Variants in C1orf159 observed in about 807,000 individuals in gnomAD.
C1orf159 encodes chromosome 1 open reading frame 159, also known as uncharacterized protein C1orf159.
In C1orf159, 19 loss-of-function variants were observed where a neutral mutation model predicts 25.6. The observed-to-expected ratio is 0.74, with a 90% CI of 0.52 to 1.09. The LOEUF is 1.09. Among genes scored for constraint, C1orf159 ranks in the 50% least tolerant of loss-of-function variants. C1orf159 has a pLI of 0.00. For synonymous variants in C1orf159, 139 were observed against 124.7 expected (o/e 1.12, Z -0.77); for missense variants, 274 against 290.6 (o/e 0.94, Z 0.42).
intron 1 of C1orf159, among the ~76,000 whole-genome samples, chr1:1,108,847 G>GTTCACCACAGCCACCATGTCTCA (rs1557436485): frequency 6.4e-5 from 5 of 77,890 alleles, no homozygotes; most frequent in African/African-American, 2.7e-4. Flanking sequence ...ACCATGTCTC[G>GTTCACCACAGCCACCATGTCTCA]GCACCATCCA....
At chr1:1,100,485 G>A (rs937130063) in intron 1 of C1orf159, among the ~76,000 whole-genome samples, 12 of 152,050 alleles carry the variant, frequency 7.9e-5, no homozygotes, top group South Asian at 4.2e-4. Context: ...CTGACACACC[G>A]ACAGTGACAC....
chr1:1,112,124 G>A (rs1646266067), intron 1 of C1orf159, among the ~76,000 whole-genome samples: 1 of 152,202 alleles, frequency 6.6e-6, no homozygotes, highest in Non-Finnish European at 1.5e-5. Context: ...TCAGGTGATG[G>A]TCAGGTGGCT....
intron 1 of C1orf159, among the ~76,000 whole-genome samples, chr1:1,096,352 T>G (rs1278557326): frequency 6.6e-6 from 1 of 151,108 alleles, no homozygotes; most frequent in African/African-American, 2.5e-5. Context: ...ATTTTTTTTG[T>G]ACACAGGGTC....
intron 1 of C1orf159, among the ~76,000 whole-genome samples, chr1:1,107,605 C>T (rs1359086671): frequency 6.6e-6 from 1 of 152,182 alleles, no homozygotes; most frequent in Non-Finnish European, 1.5e-5. Context: ...AATCAGCACC[C>T]TGTCAAAACA....
chr1:1,084,201 GC>G, intron 9 of C1orf159, 151 bp downstream of exon 9: 2 of 1,522,790 alleles, frequency 1.3e-6, no homozygotes, highest in Non-Finnish European at 8.8e-7. Flanking sequence ...TCCGGCCCTG[GC>G]CCTGCCTTGT....
chr1:1,086,777 G>A (rs900607736), intron 6 of C1orf159, among the ~76,000 whole-genome samples: 1 of 151,794 alleles, frequency 6.6e-6, no homozygotes, highest in Non-Finnish European at 1.5e-5. Context: ...TGGTGTCAGC[G>A]TGAGCCGTGA....
chr1:1,084,605 G>A (rs938145438), intron 7 of C1orf159, 99 bp from the exon 8 acceptor site: 19 of 1,480,412 alleles, frequency 1.3e-5, no homozygotes, highest in Non-Finnish European at 1.6e-5. Context: ...AGCTGCCTCA[G>A]CCTCAGCCCA....
In C1orf159 at chr1:1,087,482, G is replaced by C. The variant is rs568818145; in HGVS notation, c.244+20C>G. On this transcript the variant is annotated intron_variant, in intron 5 of 9. Coordinates refer to ENST00000421241, the MANE Select transcript of C1orf159 (RefSeq NM_017891.5). The surrounding 1 kb of genome is among the most constrained non-coding windows in gnomAD (Gnocchi z 8.3). ...GCTGGAGCTGTGAGAAGGGAGCCGG[G>C]GGGAGCCGGGCAGACCTACAGCTTC... is the stretch of plus-strand genomic sequence containing the variant. The C allele has an allele frequency of 6.5e-7, 1 of 1,537,710 alleles. No homozygotes were observed. The highest frequency in any genetic ancestry group is 2.5e-5 in the East Asian group (1 of 40,668).
In C1orf159 at chr1:1,082,319, T is replaced by G. The variant is rs1645755338; in HGVS notation, c.*574A>C. On this transcript the variant is annotated 3_prime_UTR_variant, in exon 10 of 10. Coordinates refer to ENST00000421241, the MANE Select transcript of C1orf159 (RefSeq NM_017891.5). ...GCTCCGGAAATGGGTGGCTGCGTGC[T>G]TGGGGTCTCCGCCACGCGGGAGGAC... 6.4e-6 allele frequency: 1 copy of G among 156,354 alleles called. No homozygotes were observed. 9.7% of individuals were successfully genotyped at this position (156,354 alleles called of 1,614,324 possible). A position where few individuals can be genotyped will look rare whatever the true frequency, so the allele number is the denominator to read the frequency against.
rs761035365 is a variant in C1orf159, at chr1:1,082,721, G to A, written c.*172C>T. On this transcript the variant is annotated 3_prime_UTR_variant, in exon 10 of 10. Transcript: ENST00000421241. Reference sequence around the variant, plus strand: ...GCTGTGGTGGGGAGGAGCCTCAGGCGGCCCGGGACCCTTTGGCGTCCGTCG... The same window carrying A: ...GCTGTGGTGGGGAGGAGCCTCAGGCAGCCCGGGACCCTTTGGCGTCCGTCG... 65 of 617,372 alleles carry A rather than the reference G, an allele frequency of 1.1e-4. No homozygotes were observed. The highest frequency in any genetic ancestry group is 1.6e-4 in the Non-Finnish European group (54 of 345,370). 38.2% of individuals were successfully genotyped at this position (617,372 alleles called of 1,614,324 possible). A position where few individuals can be genotyped will look rare whatever the true frequency, so the allele number is the denominator to read the frequency against.
At position 1,094,411 on chromosome 1, in the gene C1orf159, C is replaced by CT. The variant is rs1050888850; in HGVS notation, c.-135-2309dup. Among the ~76,000 whole-genome samples, 408 of 146,408 alleles carry CT rather than the reference C, an allele frequency of 2.8e-3. 1 individual carries two copies. The highest frequency in any genetic ancestry group is 8.6e-3 in the African/African-American group (344 of 40,050). ...TCCATCCTGTGGTTTGTCTTATCATCTTTTTTTTTTTGAATTGGAGTCTCT... is the reference window on the plus strand; with the variant it reads ...TCCATCCTGTGGTTTGTCTTATCATCTTTTTTTTTTTTGAATTGGAGTCTCT... On this transcript the variant is annotated intron_variant, in intron 1 of 9. Transcript: ENST00000421241.
chr1:1,089,821 C>G lies in C1orf159; in HGVS notation c.148+532G>C, dbSNP rs577589933. 1.3e-5 allele frequency among the ~76,000 whole-genome samples: 2 copies of G among 152,336 alleles called. No homozygotes were observed. Among genetic ancestry groups the G allele is most frequent in the South Asian group, 4.1e-4 (2 of 4,830 alleles). The stretch of plus-strand genomic sequence containing the variant: ...GGCTGCCCTCACCAGCCTCAACCTC[C>G]TGACACCCAGCTGCCCCCAGACAGT... On this transcript the variant is annotated intron_variant, in intron 4 of 9. Coordinates refer to ENST00000421241, the MANE Select transcript of C1orf159 (RefSeq NM_017891.5). The surrounding 1 kb of genome is among the most constrained non-coding windows in gnomAD (Gnocchi z 7.5).
intron 1 of C1orf159, chr1:1,092,783 G>C (rs902416487): frequency 6.6e-6 from 1 of 152,410 alleles, no homozygotes; most frequent in Non-Finnish European, 1.5e-5. Context: ...AACTGACCAG[G>C]CTGCCCAGGT....
At chr1:1,083,120 G>A (rs1645771972) in intron 9 of C1orf159, 133 bp from the exon 10 acceptor site, 1 of 700,338 alleles carries the variant, frequency 1.4e-6, no homozygotes, top group African/African-American at 1.8e-5. Flanking sequence ...ACTCTGACCA[G>A]GTGGGAACCC....
intron 1 of C1orf159, among the ~76,000 whole-genome samples, chr1:1,113,753 T>C (rs997902275): frequency 6.6e-6 from 1 of 152,154 alleles, no homozygotes; most frequent in African/African-American, 2.4e-5. Flanking sequence ...AGTGCGCAGT[T>C]TGACCTTTGA....
intron 1 of C1orf159, among the ~76,000 whole-genome samples, chr1:1,115,347 T>G (rs1364057867): frequency 1.3e-5 from 2 of 152,062 alleles, no homozygotes; most frequent in Non-Finnish European, 2.9e-5. Flanking sequence ...AAACAAATCC[T>G]AAAGCCTCGC....
At position 1,085,919 on chromosome 1, in the gene C1orf159, C is replaced by A; in HGVS notation, c.404G>T (p.Arg135Leu). The change falls in exon 7 of 10, where the codon CGC becomes CTC. Residue 135 changes from arginine (R) to leucine (L), a missense_variant. By Grantham distance (102) the Arg-to-Leu change is moderately radical. Coordinates refer to ENST00000421241, the MANE Select transcript of C1orf159 (RefSeq NM_017891.5). ...GCAGGCCCTGGGGAGTTTACTGGAG[C>A]GCTTGAGGTAGAAGAACCCAGCTAC... ...LSVAGFFYLKRSSKLPRACYR... is the reference protein window; with the variant it reads ...LSVAGFFYLKLSSKLPRACYR... 1 of 1,613,282 alleles carries A rather than the reference C, an allele frequency of 6.2e-7. No individual in the cohort carries two copies. The highest frequency in any genetic ancestry group is 1.1e-5 in the South Asian group (1 of 91,060).
chr1:1,096,964 C>T (rs897548330), intron 1 of C1orf159, among the ~76,000 whole-genome samples: 4 of 152,198 alleles, frequency 2.6e-5, no homozygotes, highest in African/African-American at 9.6e-5. Flanking sequence ...GTCTTGAACT[C>T]CTGGGCTCAA....
In C1orf159 at chr1:1,087,014, C is replaced by A. The variant is rs879710038; in HGVS notation, c.310+125G>T. ...AAGCTGCAGGGGCTGCCACGCTCCCCTCTGGCTGTTTTGCAGAACCCTGAG... is the reference window on the plus strand; with the variant it reads ...AAGCTGCAGGGGCTGCCACGCTCCCATCTGGCTGTTTTGCAGAACCCTGAG... On this transcript the variant is annotated intron_variant, in intron 6 of 9. Transcript: ENST00000421241. The surrounding 1 kb of genome is among the most constrained non-coding windows in gnomAD (Gnocchi z 8.3). 6.0e-6 allele frequency: 6 copies of A among 997,178 alleles called. No individual in the cohort carries two copies. The African/African-American group carries it at 6.4e-5, about 11-fold the overall frequency. 61.8% of individuals were successfully genotyped at this position (997,178 alleles called of 1,614,324 possible). A position where few individuals can be genotyped will look rare whatever the true frequency, so the allele number is the denominator to read the frequency against.
Sources: gnomAD v4.1 joint callset for allele counts (sites outside exome capture counted in the v4.1 genomes callset) on GRCh38, gnomAD v4.1.1 for gene constraint, Gnocchi (gnomAD v3.1) non-coding constraint, MANE v1.5 for transcripts, NCBI Gene and HGNC (gene_info 2026-07-23, HGNC 2026-07-21) for gene names.